EPRS1: variants seen among roughly 807,000 people sequenced by gnomAD.
EPRS1 encodes bifunctional glutamate/proline--tRNA ligase.
In EPRS1, 107 loss-of-function variants were observed where a neutral mutation model predicts 188.3. The ratio of observed to expected loss-of-function variants is 0.57; its 90% CI spans 0.49 to 0.67. The LOEUF is 0.67. Ranked by LOEUF, EPRS1 falls within the 30% of genes least tolerant of loss-of-function variation. EPRS1 has a pLI of 0.00. For missense variants in EPRS1, 1,577 were observed against 1,802.2 expected (o/e 0.88, Z 2.26); for synonymous variants, 596 against 593.1 (o/e 1.00, Z -0.07).
At position 220,018,523 on chromosome 1, in the gene EPRS1, C is replaced by T. The variant is rs550927017; in HGVS notation, c.1435-15G>A. The T allele has an allele frequency of 2.3e-5, 36 of 1,586,442 alleles. No individual in the cohort carries two copies. Among genetic ancestry groups the T allele is most frequent in the Non-Finnish European group, 2.9e-5 (34 of 1,160,442 alleles). On this transcript the variant is annotated splice_polypyrimidine_tract_variant and intron_variant, in intron 11 of 31. Transcript: ENST00000366923. ...CGTGAGGAGCCCTAAAAAACAATAA[C>T]AACATGATTTTAAGGGCAAGCAGTA...
rs575344867 is a variant in EPRS1 at position 220,002,799 on chromosome 1, G to A, written c.2064-1544C>T. ...CACCTGAGCCTGGGGAGGTCAAGCC[G>A]CTGCACTCAAGTCTGGGTGAGAGTG... On this transcript the variant is annotated intron_variant, in intron 16 of 31. Transcript: ENST00000366923. Among the ~76,000 whole-genome samples the A allele has an allele frequency of 7.9e-5, 12 of 152,170 alleles. No homozygotes were observed. The South Asian group carries it at 1.5e-3, about 18-fold the overall frequency.
At chr1:219,994,664 T>G (rs1661195512) in intron 18 of EPRS1, among the ~76,000 whole-genome samples, 2 of 63,630 alleles carry the variant, frequency 3.1e-5, no homozygotes, top group Admixed American at 3.7e-4. Context: ...TTTTTTTTTT[T>G]TTTTTTGAGA....
chr1:220,020,348 G>T, intron 9 of EPRS1, 127 bp from the exon 10 acceptor site: 1 of 634,148 alleles, frequency 1.6e-6, no homozygotes, highest in African/African-American at 1.8e-5. Flanking sequence ...AAAACCAAAA[G>T]GTTTTATGAC....
intron 1 of EPRS1, among the ~76,000 whole-genome samples, chr1:220,042,787 G>A (rs900970617): frequency 4.6e-5 from 7 of 151,880 alleles, no homozygotes; most frequent in African/African-American, 1.7e-4. Context: ...TGGGCGTGGT[G>A]GCATGCGCCT....
chr1:219,984,344 G>A (rs1389391035), intron 20 of EPRS1, 87 bp from the exon 21 acceptor site: 14 of 886,642 alleles, frequency 1.6e-5, no homozygotes, highest in Middle Eastern at 2.2e-4. Flanking sequence ...GTTCAAAATA[G>A]ATTAGTCTTT....
chr1:219,993,207 C>A (rs1424871619), intron 18 of EPRS1, among the ~76,000 whole-genome samples: 1 of 149,524 alleles, frequency 6.7e-6, no homozygotes, highest in Non-Finnish European at 1.5e-5. Context: ...CCAGCCTGGG[C>A]AACAGAGCAA....
chr1:220,020,361 A>T (rs1661846282), intron 9 of EPRS1, 140 bp from the exon 10 acceptor site: 3 of 597,142 alleles, frequency 5.0e-6, no homozygotes, highest in East Asian at 2.8e-5. Flanking sequence ...TTTATGACTT[A>T]ATACTCAAAG....
At chr1:219,971,809 CACTAT>C (rs911482995) in intron 30 of EPRS1, among the ~76,000 whole-genome samples, 3 of 62,466 alleles carry the variant, frequency 4.8e-5, no homozygotes, top group African/African-American at 1.6e-4. Flanking sequence ...TATACACACA[CACTAT>C]ATTTATATAT....
At chr1:220,005,822 T>TG (rs1661452184) in intron 15 of EPRS1, among the ~76,000 whole-genome samples, 1 of 38,360 alleles carries the variant, frequency 2.6e-5, no homozygotes, top group Admixed American at 3.0e-4. Context: ...ACATCGTTTT[T>TG]TTTTTTGTTT....
intron 2 of EPRS1, among the ~76,000 whole-genome samples, chr1:220,038,706 A>G (rs1662235510): frequency 6.6e-6 from 1 of 152,154 alleles, no homozygotes; most frequent in Non-Finnish European, 1.5e-5. Flanking sequence ...GGGAGCAGAA[A>G]GATAGGGAAT....
At chr1:220,013,157 A>C (rs557937338) in intron 12 of EPRS1, among the ~76,000 whole-genome samples, 1 of 152,340 alleles carries the variant, frequency 6.6e-6, no homozygotes, top group East Asian at 1.9e-4. Flanking sequence ...TGAAAAGTTA[A>C]AATCTTAACA....
intron 14 of EPRS1, among the ~76,000 whole-genome samples, chr1:220,006,856 GA>G (rs1442748845): frequency 1.3e-5 from 2 of 152,126 alleles, no homozygotes; most frequent in Non-Finnish European, 2.9e-5. Context: ...TTAGTAAAAA[GA>G]TTATGTTATA....
At chr1:219,997,536 T>C (rs902041437) in intron 17 of EPRS1, among the ~76,000 whole-genome samples, 194 bp from the exon 18 acceptor site, 9 of 152,252 alleles carry the variant, frequency 5.9e-5, no homozygotes, top group African/African-American at 1.7e-4. Context: ...TAAACAAAGA[T>C]AGAGGTACCT....
chr1:219,993,393 C>T (rs1333250235), intron 18 of EPRS1, among the ~76,000 whole-genome samples: 1 of 152,136 alleles, frequency 6.6e-6, no homozygotes, highest in East Asian at 1.9e-4. Context: ...ATAAGAGGAG[C>T]AAAAGATGGT....
intron 19 of EPRS1, among the ~76,000 whole-genome samples, chr1:219,988,271 A>G (rs1217437068): frequency 6.6e-6 from 1 of 152,266 alleles, no homozygotes; most frequent in Non-Finnish European, 1.5e-5. Context: ...AGGGCCTTCA[A>G]TGGGGTGAGC....
At chr1:220,010,655 C>T (rs577192105) in intron 13 of EPRS1, among the ~76,000 whole-genome samples, 12 of 151,746 alleles carry the variant, frequency 7.9e-5, no homozygotes, top group East Asian at 1.9e-4. Context: ...ACTAAAAATA[C>T]GAAAATTAGC....
Position 219,987,017 on chromosome 1 carries a change from C to T in EPRS1, c.3038+125G>A, listed in dbSNP as rs1391856217. ...AAAATCAATAAATGCTATCTGCTGACATTGTAGCTTTAGCGTTCTCTAACT... is the reference window on the plus strand; with the variant it reads ...AAAATCAATAAATGCTATCTGCTGATATTGTAGCTTTAGCGTTCTCTAACT... On this transcript the variant is annotated intron_variant, in intron 20 of 31. Coordinates refer to ENST00000366923, the MANE Select transcript of EPRS1 (RefSeq NM_004446.3). The T allele has an allele frequency of 1.6e-5, 15 of 965,452 alleles. 1 individual carries two copies. Among genetic ancestry groups the T allele is most frequent in the Admixed American group, 1.4e-4 (6 of 41,772 alleles). 59.8% of individuals were successfully genotyped at this position (965,452 alleles called of 1,614,324 possible).
intron 1 of EPRS1, among the ~76,000 whole-genome samples, chr1:220,041,022 C>CT (rs959239465): frequency 5.3e-5 from 8 of 151,464 alleles, no homozygotes; most frequent in Non-Finnish European, 1.0e-4. Context: ...AATTTTTCAT[C>CT]TTTGGGGTAA....
chr1:220,018,200 A>T lies in EPRS1; in HGVS notation c.1494+249T>A. On this transcript the variant is annotated intron_variant, in intron 12 of 31. Transcript: ENST00000366923. ...TGTTCATAAAAAATTTAAGGAAAAA[A>T]ATATTACTGTTCCCCATAATTCCAA... The T allele has an allele frequency of 3.0e-6, 4 of 1,343,170 alleles. No individual in the cohort carries two copies. In the South Asian group the frequency reaches 5.0e-5, roughly 17 times the overall value. 83.2% of individuals were successfully genotyped at this position (1,343,170 alleles called of 1,614,324 possible).
Sources: allele counts gnomAD v4.1 joint callset (sites outside exome capture counted in the v4.1 genomes callset), GRCh38; gene constraint gnomAD v4.1.1; transcripts MANE v1.5; gene names NCBI Gene and HGNC (gene_info 2026-07-23, HGNC 2026-07-21).